RGS7: variants seen among roughly 807,000 people sequenced by gnomAD.
RGS7 encodes regulator of G protein signaling 7.
A neutral mutation model predicts 81.1 loss-of-function variants in RGS7; 27 were observed. The ratio of observed to expected loss-of-function variants is 0.33; its 90% CI spans 0.25 to 0.46. The LOEUF (loss-of-function observed/expected upper bound fraction) is 0.46. RGS7 is among the 20% of genes least tolerant of loss of function. RGS7 has a pLI of 1.00. For missense variants in RGS7, 396 were observed against 607.4 expected (o/e 0.65, Z 3.66); for synonymous variants, 208 against 207.7 (o/e 1.00, Z -0.01).
chr1:241,234,958 T>C (rs2075849223), intron 2 of RGS7, among the ~76,000 whole-genome samples: 1 of 152,222 alleles, frequency 6.6e-6, no homozygotes, highest in Non-Finnish European at 1.5e-5. Context: ...TCTTAACATT[T>C]TAGGCATACA....
intron 2 of RGS7, among the ~76,000 whole-genome samples, chr1:241,251,401 A>G (rs1387332656): frequency 6.6e-6 from 1 of 152,216 alleles, no homozygotes; most frequent in Non-Finnish European, 1.5e-5. Flanking sequence ...TGAGGAAGAA[A>G]AGTAAAGAAG....
chr1:241,089,063 C>CTATATATATATATATA lies in RGS7; in HGVS notation c.175+9587_175+9602dup, dbSNP rs1161090389. Among the ~76,000 whole-genome samples, 19 of 23,684 alleles carry CTATATATATATATATA rather than the reference C, an allele frequency of 8.0e-4. 1 individual carries two copies. The highest frequency in any genetic ancestry group is 2.5e-3 in the African/African-American group (11 of 4,320). The allele number at this position is 23,684 out of a possible 152,430, so 15.5% of individuals were successfully genotyped here. On this transcript the variant is annotated intron_variant, in intron 3 of 18. Transcript: ENST00000440928. ...TCTCTCTCTCTCTCTCTCTCTCTCT[C>CTATATATATATATATA]TATATATATATATATATATATATAT...
intron 9 of RGS7, among the ~76,000 whole-genome samples, chr1:240,842,235 G>A (rs1004353409): frequency 2.0e-3 from 56 of 28,014 alleles, no homozygotes; most frequent in Non-Finnish European, 3.3e-4. Context: ...GTCTCACTCT[G>A]TCACCCAGGC....
chr1:241,249,788 G>C (rs955228232), intron 2 of RGS7, among the ~76,000 whole-genome samples: 3 of 152,070 alleles, frequency 2.0e-5, no homozygotes, highest in Non-Finnish European at 4.4e-5. Context: ...GATGCTTCTA[G>C]TACTGCTGCT....
chr1:240,978,839 T>C (rs1008539844), intron 4 of RGS7, among the ~76,000 whole-genome samples: 7 of 152,210 alleles, frequency 4.6e-5, no homozygotes, highest in Non-Finnish European at 8.8e-5. Context: ...GTAATACTTA[T>C]TAAACCCTCA....
At chr1:240,811,822 T>A in intron 14 of RGS7, 96 bp downstream of exon 14, 1 of 1,094,744 alleles carries the variant, frequency 9.1e-7, no homozygotes, top group East Asian at 2.4e-5. Flanking sequence ...CATTATGATG[T>A]TAGTGGAAGA....
intron 18 of RGS7, among the ~76,000 whole-genome samples, chr1:240,785,031 T>C (rs1382827633): frequency 1.3e-5 from 2 of 152,196 alleles, no homozygotes; most frequent in Non-Finnish European, 2.9e-5. Flanking sequence ...TTTACTCTCA[T>C]GTTGAAAAAT....
intron 2 of RGS7, among the ~76,000 whole-genome samples, chr1:241,165,019 C>T (rs139861664): frequency 6.6e-6 from 1 of 152,314 alleles, no homozygotes; most frequent in Non-Finnish European, 1.5e-5. Context: ...TGTAAGGGCT[C>T]ACTCCTTCCC....
intron 2 of RGS7, among the ~76,000 whole-genome samples, chr1:241,333,030 G>C (rs1489565967): frequency 6.6e-6 from 1 of 152,204 alleles, no homozygotes; most frequent in Non-Finnish European, 1.5e-5. Context: ...TCCCCACCTG[G>C]AGGGAAAGGG....
chr1:241,153,811 A>G (rs1276966830), intron 2 of RGS7, among the ~76,000 whole-genome samples: 1 of 152,266 alleles, frequency 6.6e-6, no homozygotes, highest in African/African-American at 2.4e-5. Flanking sequence ...AGCAAGGGAA[A>G]GTCCTAATGG....
intron 2 of RGS7, among the ~76,000 whole-genome samples, chr1:241,348,975 A>G (rs1177515183): frequency 6.8e-6 from 1 of 146,184 alleles, no homozygotes; most frequent in East Asian, 2.0e-4. Flanking sequence ...CGGGTGTTTA[A>G]TAATTTTTGT....
At chr1:240,963,965 T>C (rs1002196369) in intron 4 of RGS7, among the ~76,000 whole-genome samples, 10 of 152,154 alleles carry the variant, frequency 6.6e-5, no homozygotes, top group Non-Finnish European at 1.2e-4. Flanking sequence ...TGAGCTGTGA[T>C]TGTGCCACTG....
At chr1:241,147,867 T>A (rs1273791565) in intron 2 of RGS7, among the ~76,000 whole-genome samples, 1 of 139,270 alleles carries the variant, frequency 7.2e-6, no homozygotes, top group Non-Finnish European at 1.5e-5. Context: ...CGTTATTTTC[T>A]TACTCCTTCT....
intron 3 of RGS7, among the ~76,000 whole-genome samples, chr1:241,059,711 AG>A (rs1430722534): frequency 6.6e-6 from 1 of 152,160 alleles, no homozygotes. Flanking sequence ...CTCTTCACAA[AG>A]AACTCTGCTA....
At chr1:241,241,192 A>G (rs1573307351) in intron 2 of RGS7, among the ~76,000 whole-genome samples, 1 of 146,752 alleles carries the variant, frequency 6.8e-6, no homozygotes, top group Non-Finnish European at 1.5e-5. Flanking sequence ...ACAGGAGCAG[A>G]ATGTTTCCAT....
intron 6 of RGS7, among the ~76,000 whole-genome samples, chr1:240,930,236 T>TC (rs1029888691): frequency 6.6e-6 from 1 of 150,488 alleles, no homozygotes; most frequent in African/African-American, 2.4e-5. Context: ...TTTTTTTTTT[T>TC]TTTTGCTTGT....
intron 2 of RGS7, among the ~76,000 whole-genome samples, chr1:241,211,290 C>T (rs2074228226): frequency 6.6e-6 from 1 of 152,088 alleles, no homozygotes; most frequent in Non-Finnish European, 1.5e-5. Flanking sequence ...CTATCCCCTG[C>T]CCACCCAGAC....
chr1:241,334,193 C>A (rs2082119382), intron 2 of RGS7, among the ~76,000 whole-genome samples: 1 of 152,178 alleles, frequency 6.6e-6, no homozygotes, highest in Admixed American at 6.5e-5. Context: ...AAAGCTTTTT[C>A]ACAATTCTTA....
intron 3 of RGS7, among the ~76,000 whole-genome samples, chr1:241,048,334 A>T (rs1387876897): frequency 1.3e-5 from 2 of 152,148 alleles, no homozygotes; most frequent in African/African-American, 4.8e-5. Context: ...CCCTCCTAAG[A>T]AATAGTAAGA....
Sources: allele counts gnomAD v4.1 joint callset (sites outside exome capture counted in the v4.1 genomes callset), GRCh38; gene constraint gnomAD v4.1.1; transcripts MANE v1.5; gene names NCBI Gene and HGNC (gene_info 2026-07-23, HGNC 2026-07-21).